WDR62: variants seen among roughly 807,000 people sequenced by gnomAD.
WDR62 encodes the protein WD repeat-containing protein 62.
In WDR62, 112 loss-of-function variants were observed where a neutral mutation model predicts 160.6. That is an observed-to-expected ratio of 0.70 (90% CI 0.60 to 0.82). The LOEUF is 0.82. Among genes scored for constraint, WDR62 ranks in the 40% least tolerant of loss-of-function variants. WDR62 has a pLI of 0.00. For missense variants in WDR62, 1,819 were observed against 1,983.8 expected (o/e 0.92, Z 1.58); for synonymous variants, 792 against 815.1 (o/e 0.97, Z 0.48).
chr19:36,093,993 C>A, intron 19 of WDR62, 38 bp from the exon 20 acceptor site: 1 of 1,612,578 alleles, frequency 6.2e-7, no homozygotes, highest in Non-Finnish European at 8.5e-7. Context: ...GCCCATTTGC[C>A]TGTATTCTCT....
chr19:36,102,553 GC>G (rs749463701), intron 26 of WDR62, 183 bp from the exon 27 acceptor site: 10 of 626,662 alleles, frequency 1.6e-5, no homozygotes, highest in Non-Finnish European at 2.5e-5. Flanking sequence ...GAGCCACCGT[GC>G]CCGGCCCACT....
intron 3 of WDR62, 196 bp downstream of exon 3, chr19:36,060,226 TGCTG>T: frequency 1.6e-6 from 1 of 637,430 alleles, no homozygotes; most frequent in Admixed American, 2.4e-5. Context: ...CGAGAATCTC[TGCTG>T]GCTAGAGCGA....
rs1973585352 is a variant in WDR62, at chr19:36,104,119, T to A, written c.4153+138T>A. The A allele has an allele frequency of 5.1e-6, 6 of 1,167,744 alleles. No homozygotes were observed. In the East Asian group the frequency reaches 1.5e-4, roughly 30 times the overall value. The allele number at this position is 1,167,744 out of a possible 1,614,324, so 72.3% of individuals were successfully genotyped here. ...TTCGTGCATTAACTTAAATATTTAA[T>A]GAGCATTACATGTTGGGCTTTGTGC... On this transcript the variant is annotated intron_variant, in intron 30 of 31. Transcript: ENST00000401500.
At chr19:36,072,989 C>A (rs113332158) in intron 8 of WDR62, among the ~76,000 whole-genome samples, 1 of 152,132 alleles carries the variant, frequency 6.6e-6, no homozygotes, top group Non-Finnish European at 1.5e-5. Flanking sequence ...TTTGATCATG[C>A]GTTGGTGAGG....
chr19:36,098,291 G>A (rs527823696), intron 21 of WDR62, among the ~76,000 whole-genome samples: 16 of 152,086 alleles, frequency 1.1e-4, no homozygotes, highest in African/African-American at 3.6e-4. Flanking sequence ...AAGAGACCGG[G>A]TGCGGTGGCT....
intron 21 of WDR62, among the ~76,000 whole-genome samples, chr19:36,098,788 G>A (rs905639637): frequency 2.6e-5 from 4 of 152,088 alleles, no homozygotes; most frequent in African/African-American, 7.2e-5. Flanking sequence ...AGTCACATGT[G>A]CAATTCTGAA....
At chr19:36,104,378 T>C in intron 30 of WDR62, 140 bp from the exon 31 acceptor site, 3 of 1,089,972 alleles carry the variant, frequency 2.8e-6, no homozygotes, top group Non-Finnish European at 3.9e-6. Context: ...CAGAGACCTG[T>C]AGGAGTGAAG....
Position 36,104,825 on chromosome 19 carries a change from T to C in WDR62, c.4369T>C (p.Ser1457Pro), listed in dbSNP as rs1973647763. The C allele has an allele frequency of 6.2e-7, 1 of 1,613,552 alleles. No individual in the cohort carries two copies. The highest frequency in any genetic ancestry group is 1.1e-5 in the South Asian group (1 of 91,072). ...GCAGCAGGCACGGACTGAGCTGGTC[T>C]CCACCTTCCTGTGGATCCACAGCCA... ...GQQQARTELV[S>P]TFLWIHSQLE... The change falls in exon 32 of 32, where the codon TCC becomes CCC. Residue 1457 changes from serine to proline, a missense_variant. Coordinates refer to ENST00000401500, the MANE Select transcript of WDR62 (RefSeq NM_001083961.2).
chr19:36,065,746 A>G (rs2145575775), intron 3 of WDR62, among the ~76,000 whole-genome samples: 1 of 152,318 alleles, frequency 6.6e-6, no homozygotes, highest in South Asian at 2.1e-4. Flanking sequence ...CTCAGGGCGG[A>G]AGGGGCCTTT....
At chr19:36,101,016 C>A in intron 23 of WDR62, 141 bp downstream of exon 23, 1 of 1,411,180 alleles carries the variant, frequency 7.1e-7, no homozygotes, top group Non-Finnish European at 9.9e-7. Context: ...AGGAGCCCAG[C>A]CTTAGTTCCC....
At position 36,058,818 on chromosome 19, in the gene WDR62, C is replaced by T. The variant is rs370507238; in HGVS notation, c.216C>T (p.Asn72=). ...LEKVLGITAQ[N]SSGLTCDPGT... is the part of the protein sequence containing the mutation. Reference sequence around the variant, plus strand: ...AGGTGCTTGGCATCACAGCCCAGAACAGCAGTGGCCTAACCTGTGACCCCG... The same window carrying T: ...AGGTGCTTGGCATCACAGCCCAGAATAGCAGTGGCCTAACCTGTGACCCCG... The change falls in exon 2 of 32, where the codon AAC becomes AAT. Residue 72 remains asparagine, a synonymous_variant. Transcript: ENST00000401500. The T allele has an allele frequency of 3.5e-5, 56 of 1,614,152 alleles. No homozygotes were observed. Among genetic ancestry groups the T allele is most frequent in the Admixed American group, 5.0e-5 (3 of 60,008 alleles).
Position 36,104,773 on chromosome 19 carries a change from C to T in WDR62, c.4317C>T (p.Val1439=). Residue 1439 remains valine (V), a synonymous_variant, in exon 32 of 32, where the codon GTC becomes GTT. Transcript: ENST00000401500. ...QEALDLYRVL[V]SSGQVDTGQQ... is the part of the protein sequence containing the mutation. ...AAGGCTGGCATCCCTTGCAGTTGGT[C>T]TCCAGTGGCCAGGTGGACACCGGGC... 1.2e-6 allele frequency: 2 copies of T among 1,613,730 alleles called. No homozygotes were observed. Among genetic ancestry groups the T allele is most frequent in the Non-Finnish European group, 1.7e-6 (2 of 1,180,032 alleles).
chr19:36,061,953 T>C (rs1281156855), intron 3 of WDR62: 1 of 152,136 alleles, frequency 6.6e-6, no homozygotes, highest in Non-Finnish European at 1.5e-5. Flanking sequence ...TTTTTCTTTT[T>C]TTTTTTTGGA....
At chr19:36,101,980 G>A (rs1870811794) in intron 25 of WDR62, 34 bp from the exon 26 acceptor site, 1 of 1,613,784 alleles carries the variant, frequency 6.2e-7, no homozygotes, top group Non-Finnish European at 8.5e-7. Flanking sequence ...TCATGGTGTT[G>A]GCTCCTCTTG....
In WDR62 at chr19:36,103,785, C is replaced by T; in HGVS notation, c.3957C>T (p.Val1319=). ...LQPPVDTQPG[V]TVPAVSFPAP... ...CCCCCGTGGATACCCAGCCTGGCGT[C>T]ACCGTCCCTGCAGTGAGCTTCCCAG... The change falls in exon 30 of 32, where the codon GTC becomes GTT. Residue 1319 remains valine, a synonymous_variant. Transcript: ENST00000401500. 6.2e-7 allele frequency: 1 copy of T among 1,610,128 alleles called. No individual in the cohort carries two copies.
intron 1 of WDR62, among the ~76,000 whole-genome samples, chr19:36,056,654 T>C (rs1275677953): frequency 1.3e-5 from 2 of 152,214 alleles, no homozygotes; most frequent in African/African-American, 4.8e-5. Flanking sequence ...CCCTTTGAGC[T>C]ATTAAACTAC....
intron 11 of WDR62, among the ~76,000 whole-genome samples, 181 bp from the exon 12 acceptor site, chr19:36,084,472 A>T (rs557755235): frequency 6.6e-6 from 1 of 152,226 alleles, no homozygotes; most frequent in South Asian, 2.1e-4. Flanking sequence ...CCCTGGTTCA[A>T]CACGGCTCCC....
chr19:36,083,872 G>A (rs1273930995), intron 11 of WDR62, among the ~76,000 whole-genome samples: 2 of 152,204 alleles, frequency 1.3e-5, no homozygotes, highest in African/African-American at 2.4e-5. Flanking sequence ...AAACTTTCCT[G>A]TTGTCAAGAA....
chr19:36,067,259 C>T, intron 5 of WDR62, 47 bp from the exon 6 acceptor site: 1 of 1,613,412 alleles, frequency 6.2e-7, no homozygotes, highest in South Asian at 1.1e-5. Context: ...ACAAACAGTC[C>T]AGTGGAATGA....
Sources: gnomAD v4.1 joint callset for allele counts (sites outside exome capture counted in the v4.1 genomes callset) on GRCh38, gnomAD v4.1.1 for gene constraint, MANE v1.5 for transcripts, NCBI Gene and HGNC (gene_info 2026-07-23, HGNC 2026-07-21) for gene names.